The following KAZN variants were observed in gnomAD, a reference collection of about 807,000 sequenced individuals.
The protein encoded by KAZN is kazrin, periplakin interacting protein.
KAZN carries 40 observed loss-of-function variants against 87.4 expected under a neutral mutation model. That is an observed-to-expected ratio of 0.46 (90% CI 0.36 to 0.60). KAZN has a LOEUF of 0.60. Ranked by LOEUF, KAZN falls within the 20% of genes least tolerant of loss-of-function variation. The pLI, the probability that KAZN is intolerant of heterozygous loss-of-function variation, is 0.00. For synonymous variants in KAZN, 466 were observed against 458.3 expected (o/e 1.02, Z -0.22); for missense variants, 898 against 1,073.9 (o/e 0.84, Z 2.29).
At chr1:14,751,705 C>A (rs10927531) in intron 1 of KAZN, among the ~76,000 whole-genome samples, 7,851 of 152,206 alleles carry the variant, frequency 0.052, 468 homozygotes, top group African/African-American at 0.14. Context: ...TGCTGAGCTC[C>A]TCTGGCTATG....
chr1:14,965,906 T>C (rs1418031830), intron 2 of KAZN, among the ~76,000 whole-genome samples: 1 of 152,136 alleles, frequency 6.6e-6, no homozygotes, highest in East Asian at 1.9e-4. Flanking sequence ...TCTTTAGTAA[T>C]TTATTTTAAA....
At chr1:14,525,417 C>T (rs1188699423) in intron 2 of KAZN, among the ~76,000 whole-genome samples, 1 of 152,148 alleles carries the variant, frequency 6.6e-6, no homozygotes, top group Non-Finnish European at 1.5e-5. Context: ...CTCAGCTGGC[C>T]GTTGCAGAGT....
At chr1:13,986,023 C>A (rs1638998793) in intron 1 of KAZN, among the ~76,000 whole-genome samples, 1 of 152,192 alleles carries the variant, frequency 6.6e-6, no homozygotes, top group Admixed American at 6.5e-5. Context: ...TCTTGAAATA[C>A]ATATTTAGCA....
chr1:14,053,219 C>T (rs1642414621), intron 1 of KAZN, among the ~76,000 whole-genome samples: 1 of 152,240 alleles, frequency 6.6e-6, no homozygotes, highest in African/African-American at 2.4e-5. Context: ...AGCCAGTGGG[C>T]AGGCCCACGT....
At chr1:14,100,891 T>C (rs767705725) in intron 1 of KAZN, among the ~76,000 whole-genome samples, 5 of 152,192 alleles carry the variant, frequency 3.3e-5, no homozygotes, top group Admixed American at 1.3e-4. Context: ...GTTTTCATGA[T>C]AGTGAATAAG....
chr1:14,280,786 C>T (rs77861952), intron 2 of KAZN, among the ~76,000 whole-genome samples: 2,597 of 152,266 alleles, frequency 0.017, 68 homozygotes, highest in African/African-American at 0.059. Context: ...TGACAATCCA[C>T]GTTTATAAGC....
intron 1 of KAZN, among the ~76,000 whole-genome samples, chr1:14,150,162 G>A (rs1645441894): frequency 6.6e-6 from 1 of 152,182 alleles, no homozygotes; most frequent in Non-Finnish European, 1.5e-5. Context: ...CGAAGGACTT[G>A]CCAAAGGTTA....
At chr1:14,354,353 A>C (rs1658810902) in intron 2 of KAZN, among the ~76,000 whole-genome samples, 1 of 152,168 alleles carries the variant, frequency 6.6e-6, no homozygotes, top group South Asian at 2.1e-4. Context: ...ATCAAAAGAC[A>C]CCATTAAGAA....
intron 1 of KAZN, among the ~76,000 whole-genome samples, chr1:14,770,571 A>G (rs78699716): frequency 6.6e-6 from 1 of 152,086 alleles, no homozygotes; most frequent in Admixed American, 6.5e-5. Context: ...CTATGTGTGA[A>G]TATCTTCCCC....
intron 2 of KAZN, among the ~76,000 whole-genome samples, chr1:14,257,983 AAAAAG>A (rs1283457466): frequency 1.3e-5 from 2 of 149,456 alleles, no homozygotes; most frequent in East Asian, 2.0e-4. Flanking sequence ...GAGAAAAAAA[AAAAAG>A]AAAAGAAGGG....
chr1:14,786,544 G>A (rs1645514349), intron 1 of KAZN, among the ~76,000 whole-genome samples: 1 of 152,188 alleles, frequency 6.6e-6, no homozygotes. Context: ...AGAAAATCAA[G>A]CTCAAATAAG....
At chr1:14,437,688 C>A (rs147443195) in intron 2 of KAZN, among the ~76,000 whole-genome samples, 1,964 of 152,274 alleles carry the variant, frequency 0.013, 15 homozygotes, top group Non-Finnish European at 0.022. Flanking sequence ...GTCGCTGCAG[C>A]CCGTGGGTCG....
At chr1:14,025,219 G>A (rs542023209) in intron 1 of KAZN, among the ~76,000 whole-genome samples, 5 of 152,308 alleles carry the variant, frequency 3.3e-5, no homozygotes, top group African/African-American at 7.2e-5. Context: ...AACAGTCACC[G>A]CTAGAGTCTT....
At chr1:13,954,972 T>C (rs1641488690) in intron 1 of KAZN, among the ~76,000 whole-genome samples, 2 of 152,226 alleles carry the variant, frequency 1.3e-5, no homozygotes, top group African/African-American at 2.4e-5. Context: ...GTCTTAGGCT[T>C]TTTTTGTTGC....
At chr1:14,826,110 C>T (rs1171413062) in intron 1 of KAZN, among the ~76,000 whole-genome samples, 1 of 152,222 alleles carries the variant, frequency 6.6e-6, no homozygotes, top group Admixed American at 6.5e-5. Context: ...GCTGAGTCCC[C>T]TGCCCATCGA....
At chr1:14,976,609 A>G (rs1424367221) in intron 2 of KAZN, among the ~76,000 whole-genome samples, 1 of 152,178 alleles carries the variant, frequency 6.6e-6, no homozygotes, top group Non-Finnish European at 1.5e-5. Context: ...GCCCAGCCCC[A>G]GAGGAGGCCG....
chr1:14,266,828 A>T (rs1469555857), intron 2 of KAZN, among the ~76,000 whole-genome samples: 1 of 152,198 alleles, frequency 6.6e-6, no homozygotes, highest in Non-Finnish European at 1.5e-5. Flanking sequence ...TTGGGAGAAT[A>T]TGCAAATTTC....
intron 1 of KAZN, among the ~76,000 whole-genome samples, chr1:14,695,713 C>T (rs2148794084): frequency 6.6e-6 from 1 of 151,750 alleles, no homozygotes; most frequent in South Asian, 2.1e-4. Context: ...ATCATGTTAG[C>T]CAGGCTGGTC....
At chr1:14,943,066 T>A (rs1661321693) in intron 1 of KAZN, among the ~76,000 whole-genome samples, 2 of 129,532 alleles carry the variant, frequency 1.5e-5, no homozygotes, top group Admixed American at 7.2e-5. Context: ...GAGGAGAGCC[T>A]TGGGTTTTTT....
Sources: gnomAD v4.1 joint callset for allele counts (sites outside exome capture counted in the v4.1 genomes callset) on GRCh38, gnomAD v4.1.1 for gene constraint, MANE v1.5 for transcripts, NCBI Gene and HGNC (gene_info 2026-07-23, HGNC 2026-07-21) for gene names.